The following HAGH variants were observed in gnomAD, a reference collection of about 807,000 sequenced individuals.
HAGH encodes hydroxyacylglutathione hydrolase, mitochondrial.
Under a neutral mutation model 35.1 loss-of-function variants are expected in HAGH, and 29 were observed. The observed-to-expected ratio is 0.83, with a 90% CI of 0.62 to 1.13. The LOEUF is 1.13. Ranked by LOEUF, HAGH falls within the 50% of genes most tolerant of loss-of-function variation. The pLI, the probability that HAGH is intolerant of heterozygous loss-of-function variation, is 0.00. For missense variants in HAGH, 478 were observed against 419.6 expected, an observed-to-expected ratio of 1.14 and a Z score of -1.22; for synonymous variants, 225 against 176.1, an observed-to-expected ratio of 1.28 and a Z score of -2.20.
At chr16:1,815,079 A>G (rs1460640893) in intron 7 of HAGH, among the ~76,000 whole-genome samples, 1 of 152,118 alleles carries the variant, frequency 6.6e-6, no homozygotes, top group Non-Finnish European at 1.5e-5. Flanking sequence ...ACTTCATGAG[A>G]AGGCATCCAA....
intron 7 of HAGH, among the ~76,000 whole-genome samples, chr16:1,814,876 C>A (rs868422560): frequency 6.6e-6 from 1 of 151,246 alleles, no homozygotes; most frequent in Admixed American, 6.6e-5. Flanking sequence ...CCAGCCTGGG[C>A]GACAGAGCAA....
intron 7 of HAGH, among the ~76,000 whole-genome samples, chr16:1,816,322 A>G (rs189297080): frequency 2.0e-4 from 31 of 152,216 alleles, no homozygotes; most frequent in Admixed American, 1.6e-3. Context: ...AAATTGAAAA[A>G]GATGCTCAAA....
chr16:1,825,823 C>T (rs545341619), intron 1 of HAGH, among the ~76,000 whole-genome samples: 1 of 152,354 alleles, frequency 6.6e-6, no homozygotes, highest in South Asian at 2.1e-4. Context: ...ATCCTCCCGC[C>T]TCGGCCTCCC....
chr16:1,820,274 C>G (rs1596933122), intron 3 of HAGH, among the ~76,000 whole-genome samples: 1 of 151,994 alleles, frequency 6.6e-6, no homozygotes, highest in Non-Finnish European at 1.5e-5. Context: ...TTCCCACCCC[C>G]ACATCCTAGG....
At chr16:1,823,510 G>A (rs989620792) in intron 1 of HAGH, among the ~76,000 whole-genome samples, 12 of 151,610 alleles carry the variant, frequency 7.9e-5, no homozygotes, top group Non-Finnish European at 8.8e-5. Flanking sequence ...CTTGTGATCC[G>A]CCCACCTCGG....
chr16:1,826,687 G>A, intron 1 of HAGH, 25 bp downstream of exon 1: 6 of 1,007,236 alleles, frequency 6.0e-6, no homozygotes, highest in Non-Finnish European at 7.1e-6. Context: ...GCGTCCCCCG[G>A]CCCGCACCGC....
rs1263857980 is a variant in HAGH, at chr16:1,820,164, G to C, written c.315-150C>G. On this transcript the variant is annotated intron_variant, in intron 3 of 8. Coordinates refer to ENST00000397356, the MANE Select transcript of HAGH (RefSeq NM_005326.6). ...TTATTTTCCACTCACAAAGGAAACC[G>C]AGGAAGCAAATCACAGACACCTGGA... 7.4e-6 allele frequency: 5 copies of C among 677,078 alleles called. No individual in the cohort carries two copies. The South Asian group carries it at 8.6e-5, about 12-fold the overall frequency. 41.9% of individuals were successfully genotyped at this position (677,078 alleles called of 1,614,324 possible).
intron 5 of HAGH, among the ~76,000 whole-genome samples, chr16:1,818,239 G>A (rs1897993974): frequency 6.6e-6 from 1 of 152,110 alleles, no homozygotes; most frequent in African/African-American, 2.4e-5. Flanking sequence ...GCCCTGAGAA[G>A]AATCCTAAAT....
chr16:1,817,278 A>G lies in HAGH; in HGVS notation c.542-7T>C, dbSNP rs777872764. 8 of 1,591,304 alleles carry G rather than the reference A, an allele frequency of 5.0e-6. No homozygotes were observed. In the African/African-American group the frequency reaches 1.1e-4, roughly 21 times the overall value. On this transcript the variant is annotated splice_region_variant and splice_polypyrimidine_tract_variant and intron_variant, in intron 5 of 8. Coordinates refer to ENST00000397356, the MANE Select transcript of HAGH (RefSeq NM_005326.6). Reference sequence around the variant, plus strand: ...GCCACAAACAAGGTGTCACCTGGAAACAAGGACAGCCACGAGGTGGGGGCC... The same window carrying G: ...GCCACAAACAAGGTGTCACCTGGAAGCAAGGACAGCCACGAGGTGGGGGCC...
chr16:1,824,465 G>A (rs1268014993), intron 1 of HAGH, among the ~76,000 whole-genome samples: 1 of 152,144 alleles, frequency 6.6e-6, no homozygotes, highest in Admixed American at 6.5e-5. Context: ...GTCGACCAAT[G>A]CAAAAATATT....
intron 7 of HAGH, among the ~76,000 whole-genome samples, chr16:1,811,728 A>C (rs1169438868): frequency 6.6e-6 from 1 of 152,214 alleles, no homozygotes; most frequent in East Asian, 1.9e-4. Context: ...AAAAATAAAA[A>C]TAAAAAAATA....
intron 1 of HAGH, among the ~76,000 whole-genome samples, chr16:1,825,844 G>A (rs7204566): frequency 0.038 from 5,840 of 152,326 alleles, 344 homozygotes; most frequent in South Asian, 0.12. Flanking sequence ...AAAGTGCTGG[G>A]ATGACAGGCG....
chr16:1,824,209 G>A (rs1898291951), intron 1 of HAGH, among the ~76,000 whole-genome samples: 1 of 148,190 alleles, frequency 6.7e-6, no homozygotes. Context: ...GCAACAGAGT[G>A]AGACAGTCTC....
At position 1,810,503 on chromosome 16, in the gene HAGH, G is replaced by C. The variant is rs141084278; in HGVS notation, c.748-670C>G. On this transcript the variant is annotated intron_variant, in intron 7 of 8. Transcript: ENST00000397356. ...GAGGCCACCCAAGCCCCTGCAGGCA[G>C]GCAGCTGGTCACCTCCTCTCGAGAT... The C allele has an allele frequency of 2.2e-3, 333 of 153,052 alleles. 1 individual carries two copies. The highest frequency in any genetic ancestry group is 7.4e-3 in the African/African-American group (309 of 41,590). The allele number at this position is 153,052 out of a possible 1,614,324, so 9.5% of individuals were successfully genotyped here.
At chr16:1,813,982 C>G (rs1403647986) in intron 7 of HAGH, among the ~76,000 whole-genome samples, 1 of 152,150 alleles carries the variant, frequency 6.6e-6, no homozygotes, top group Non-Finnish European at 1.5e-5. Context: ...CTGAACACCT[C>G]GGGATCACAC....
chr16:1,823,146 T>C, intron 1 of HAGH, 109 bp from the exon 2 acceptor site: 1 of 953,328 alleles, frequency 1.0e-6, no homozygotes, highest in Non-Finnish European at 1.6e-6. Context: ...AAAAGGAATA[T>C]TCTGGCCAGG....
At chr16:1,825,677 G>A (rs542337767) in intron 1 of HAGH, among the ~76,000 whole-genome samples, 143 of 152,250 alleles carry the variant, frequency 9.4e-4, no homozygotes, top group African/African-American at 3.2e-3. Flanking sequence ...GGACTCAAGC[G>A]ATCCTCCCAC....
chr16:1,820,370 C>T (rs1232847376), intron 3 of HAGH, among the ~76,000 whole-genome samples: 1 of 151,906 alleles, frequency 6.6e-6, no homozygotes, highest in African/African-American at 2.4e-5. Flanking sequence ...GATTTCTTGT[C>T]CTGGTGCAGT....
intron 2 of HAGH, 52 bp downstream of exon 2, chr16:1,822,813 G>A: frequency 6.6e-7 from 1 of 1,504,512 alleles, no homozygotes; most frequent in Non-Finnish European, 9.2e-7. Flanking sequence ...CGGGGGTGAG[G>A]ACTCCGAGCT....
Sources: allele counts gnomAD v4.1 joint callset (sites outside exome capture counted in the v4.1 genomes callset), GRCh38; gene constraint gnomAD v4.1.1; transcripts MANE v1.5; gene names NCBI Gene and HGNC (gene_info 2026-07-23, HGNC 2026-07-21).